Variants in MBNL2 observed in about 807,000 individuals in gnomAD.
The protein encoded by MBNL2 is muscleblind like splicing regulator 2.
A neutral mutation model predicts 41.9 loss-of-function variants in MBNL2; 17 were observed. The observed-to-expected ratio is 0.41, with a 90% CI of 0.28 to 0.61. MBNL2 has a LOEUF of 0.61. Among genes scored for constraint, MBNL2 ranks in the 20% least tolerant of loss-of-function variants. The pLI is 0.35. For missense variants in MBNL2, 336 were observed against 505.6 expected, an observed-to-expected ratio of 0.66 and a Z score of 3.22; for synonymous variants, 195 against 182.9, an observed-to-expected ratio of 1.07 and a Z score of -0.53.
Position 97,347,001 on chromosome 13 carries a change from T to C in MBNL2, c.738T>C (p.Ala246=). 1 of 1,613,684 alleles carries C rather than the reference T, an allele frequency of 6.2e-7. No individual in the cohort carries two copies. The change falls in exon 5 of 9, where the codon GCT becomes GCC. Residue 246 remains alanine (A), a synonymous_variant. Transcript: ENST00000679496. Reference sequence around the variant, plus strand: ...CACACTTGCAGGCCAAAATCAAAGCTGCGCAGCACCAAGCCAACCAAGCTG... The same window carrying C: ...CACACTTGCAGGCCAAAATCAAAGCCGCGCAGCACCAAGCCAACCAAGCTG... ...PPAHLQAKIK[A]AQHQANQAAV...
chr13:97,198,258 C>T, the MBNL2 span, among the ~76,000 whole-genome samples: 7,645 of 152,026 alleles, frequency 0.05, 252 homozygotes, highest in South Asian at 0.14. Flanking sequence ...AATTCTCCTG[C>T]CTGATGGCCT....
intron 2 of MBNL2, among the ~76,000 whole-genome samples, chr13:97,286,900 C>T (rs1041083744): frequency 6.6e-6 from 1 of 152,230 alleles, no homozygotes; most frequent in Non-Finnish European, 1.5e-5. Flanking sequence ...GTTTCCTCCA[C>T]TGAATGTAAG....
At chr13:97,142,819 A>G in the MBNL2 span, among the ~76,000 whole-genome samples, 1 of 152,218 alleles carries the variant, frequency 6.6e-6, no homozygotes, top group African/African-American at 2.4e-5. Flanking sequence ...TGCAACTAAC[A>G]TGCAACTTTG....
At chr13:97,198,840 T>C in the MBNL2 span, among the ~76,000 whole-genome samples, 1 of 152,104 alleles carries the variant, frequency 6.6e-6, no homozygotes, top group African/African-American at 2.4e-5. Flanking sequence ...ACTGCTCCAA[T>C]CCAAGCCAGT....
At chr13:97,214,480 G>T in the MBNL2 span, among the ~76,000 whole-genome samples, 1 of 152,136 alleles carries the variant, frequency 6.6e-6, no homozygotes, top group Non-Finnish European at 1.5e-5. Flanking sequence ...TATAAATTTT[G>T]ACAAAAGGCA....
the MBNL2 span, among the ~76,000 whole-genome samples, chr13:97,167,564 ATTG>A: frequency 2.0e-5 from 3 of 152,190 alleles, no homozygotes; most frequent in Admixed American, 2.0e-4. Context: ...TTAACCTCAA[ATTG>A]GACTTATCCA....
rs2061859945 is a variant in MBNL2 at position 97,346,323 on chromosome 13, A to G, written c.541-481A>G. Among the ~76,000 whole-genome samples the G allele has an allele frequency of 1.3e-5, 2 of 152,020 alleles. 1 individual carries two copies. The highest frequency in any genetic ancestry group is 4.1e-4 in the South Asian group (2 of 4,820). ...TAGATGGATAATAGATAATAGAGGG[A>G]TAGATTGATAGATGATAGATAATAG... is the stretch of plus-strand genomic sequence containing the variant. On this transcript the variant is annotated intron_variant, in intron 4 of 8. Coordinates refer to ENST00000679496, the MANE Select transcript of MBNL2 (RefSeq NM_001382683.1). The surrounding 1 kb of genome is among the most constrained non-coding windows in gnomAD (Gnocchi z 4.2).
chr13:97,267,635 G>A (rs764423589), intron 1 of MBNL2, among the ~76,000 whole-genome samples: 14 of 152,250 alleles, frequency 9.2e-5, no homozygotes, highest in East Asian at 7.7e-4. Flanking sequence ...GCAAGTGTCC[G>A]TAAAACAAGG....
chr13:97,319,017 G>A (rs2059281773), intron 2 of MBNL2, among the ~76,000 whole-genome samples: 1 of 152,162 alleles, frequency 6.6e-6, no homozygotes, highest in African/African-American at 2.4e-5. Context: ...CCCTGGATGG[G>A]GACCCTCAGA....
intron 2 of MBNL2, among the ~76,000 whole-genome samples, chr13:97,287,927 TTGTTTTGTTTTG>T (rs1490280176): frequency 0.097 from 10,212 of 105,612 alleles, 547 homozygotes; most frequent in South Asian, 0.16. Context: ...TGTTTTTTTT[TTGTTTTGTTTTG>T]TTTTTTTTTT....
chr13:97,391,161 A>G (rs771034421), intron 8 of MBNL2, among the ~76,000 whole-genome samples, 161 bp from the exon 9 acceptor site: 3 of 152,188 alleles, frequency 2.0e-5, no homozygotes, highest in Admixed American at 6.6e-5. Flanking sequence ...GTTTTTCAGC[A>G]TGAAGGGCGG....
intron 1 of MBNL2, among the ~76,000 whole-genome samples, chr13:97,248,869 C>T (rs2045987852): frequency 6.6e-6 from 1 of 152,108 alleles, no homozygotes. Flanking sequence ...TATAATTTAA[C>T]ATTTTTATGC....
intron 2 of MBNL2, among the ~76,000 whole-genome samples, chr13:97,321,727 G>A (rs1001662753): frequency 6.6e-6 from 1 of 152,182 alleles, no homozygotes; most frequent in Non-Finnish European, 1.5e-5. Flanking sequence ...TGTGAAGAAT[G>A]CTTTTTAAGG....
At chr13:97,303,063 A>G (rs1594182525) in intron 2 of MBNL2, among the ~76,000 whole-genome samples, 1 of 151,968 alleles carries the variant, frequency 6.6e-6, no homozygotes. Flanking sequence ...AGCATTTTGT[A>G]CCTCTCTGCA....
At chr13:97,374,635 C>A (rs1023465932) in intron 8 of MBNL2, among the ~76,000 whole-genome samples, 13 of 152,194 alleles carry the variant, frequency 8.5e-5, no homozygotes, top group African/African-American at 2.9e-4. Flanking sequence ...TCATGATCCA[C>A]CCACCTCGGC....
chr13:97,258,053 C>T (rs188180618), intron 1 of MBNL2, among the ~76,000 whole-genome samples: 15 of 152,242 alleles, frequency 9.9e-5, no homozygotes, highest in African/African-American at 2.6e-4. Context: ...GAGCGCCCCC[C>T]GTCTGGGAGG....
Position 97,360,936 on chromosome 13 carries a change from G to C in MBNL2, c.1012+3301G>C, listed in dbSNP as rs532899676. 5.9e-5 allele frequency among the ~76,000 whole-genome samples: 9 copies of C among 152,344 alleles called. No homozygotes were observed. The East Asian group carries it at 7.7e-4, about 13-fold the overall frequency. ...TGAGAAACGTGTAAATGTTACATCA[G>C]ATTATCACATGACTTGGTGAAAGAT... On this transcript the variant is annotated intron_variant, in intron 7 of 8. Coordinates refer to ENST00000679496, the MANE Select transcript of MBNL2 (RefSeq NM_001382683.1).
At chr13:97,309,944 A>G (rs2058438606) in intron 2 of MBNL2, among the ~76,000 whole-genome samples, 1 of 152,200 alleles carries the variant, frequency 6.6e-6, no homozygotes, top group Non-Finnish European at 1.5e-5. Flanking sequence ...ACAGAGAAGG[A>G]CTATCTGTAA....
At chr13:97,251,310 A>G (rs1033193419) in intron 1 of MBNL2, among the ~76,000 whole-genome samples, 3 of 151,926 alleles carry the variant, frequency 2.0e-5, no homozygotes, top group African/African-American at 4.8e-5. Flanking sequence ...ATGGCTACCC[A>G]ATTTACCCTG....
Sources: gnomAD v4.1 joint callset for allele counts (sites outside exome capture counted in the v4.1 genomes callset) on GRCh38, gnomAD v4.1.1 for gene constraint, Gnocchi (gnomAD v3.1) non-coding constraint, MANE v1.5 for transcripts, NCBI Gene and HGNC (gene_info 2026-07-23, HGNC 2026-07-21) for gene names.